The following PDE3A variants were observed in gnomAD, a reference collection of about 807,000 sequenced individuals.
PDE3A encodes the protein phosphodiesterase 3A, also known as cGMP-inhibited 3',5'-cyclic phosphodiesterase 3A.
In PDE3A, 43 loss-of-function variants were observed where a neutral mutation model predicts 98.3. The observed-to-expected ratio is 0.44, with a 90% CI of 0.34 to 0.56. PDE3A has a LOEUF of 0.56. Ranked by LOEUF, PDE3A falls within the 20% of genes least tolerant of loss-of-function variation. The pLI is 0.01. For missense variants in PDE3A, 1,427 were observed against 1,440.7 expected (o/e 0.99, Z 0.15); for synonymous variants, 663 against 567.9 (o/e 1.17, Z -2.38).
chr12:20,420,280 G>A (rs895528908), intron 1 of PDE3A, among the ~76,000 whole-genome samples: 4 of 152,134 alleles, frequency 2.6e-5, no homozygotes, highest in African/African-American at 9.7e-5. Context: ...CAACTTGGTA[G>A]GGACTCGCAG....
chr12:20,667,862 G>C lies in PDE3A; in HGVS notation c.3185-12168G>C, dbSNP rs1592165400. On this transcript the variant is annotated intron_variant, in intron 15 of 15. Coordinates refer to ENST00000359062, the MANE Select transcript of PDE3A (RefSeq NM_000921.5). ...GGGGAGGAGCCAAGATGGCCGAACA[G>C]GAACAGCTCCGGTCTACAGCTCCCA... Among the ~76,000 whole-genome samples the C allele has an allele frequency of 3.9e-5, 6 of 152,296 alleles. No individual in the cohort carries two copies. The South Asian group carries it at 1.2e-3, about 32-fold the overall frequency.
At chr12:20,505,973 C>G (rs908498238) in intron 1 of PDE3A, among the ~76,000 whole-genome samples, 2 of 151,988 alleles carry the variant, frequency 1.3e-5, no homozygotes, top group African/African-American at 2.4e-5. Context: ...GCTAACTTCA[C>G]TGGTTTCTAG....
At chr12:20,510,344 A>G (rs1354825477) in intron 1 of PDE3A, among the ~76,000 whole-genome samples, 8 of 152,140 alleles carry the variant, frequency 5.3e-5, no homozygotes, top group African/African-American at 1.7e-4. Flanking sequence ...CAACTAAAAT[A>G]ATCCACTAGA....
At chr12:20,387,452 A>G (rs977572785) in intron 1 of PDE3A, among the ~76,000 whole-genome samples, 3 of 151,896 alleles carry the variant, frequency 2.0e-5, no homozygotes, top group African/African-American at 7.2e-5. Flanking sequence ...CATTCCTTGG[A>G]TGCTCTAAAT....
chr12:20,621,469 C>T (rs1018599645), intron 5 of PDE3A, 58 bp downstream of exon 5: 11 of 907,642 alleles, frequency 1.2e-5, no homozygotes, highest in South Asian at 9.4e-5. Flanking sequence ...TAGAGTAAAC[C>T]AGACCTTAAG....
chr12:20,385,833 A>G (rs1416534335), intron 1 of PDE3A, among the ~76,000 whole-genome samples: 1 of 149,382 alleles, frequency 6.7e-6, no homozygotes, highest in Non-Finnish European at 1.5e-5. Context: ...AGATATACCT[A>G]ATGTAAATGA....
chr12:20,648,426 A>G (rs535331171), intron 12 of PDE3A, among the ~76,000 whole-genome samples: 5 of 152,026 alleles, frequency 3.3e-5, no homozygotes, highest in South Asian at 4.1e-4. Context: ...AAAAATATCT[A>G]TTAAGATAGG....
chr12:20,601,509 G>C (rs1396332936), intron 2 of PDE3A, among the ~76,000 whole-genome samples: 1 of 152,162 alleles, frequency 6.6e-6, no homozygotes, highest in African/African-American at 2.4e-5. Flanking sequence ...AAAGGCATTT[G>C]ATGTTTTGTG....
intron 1 of PDE3A, among the ~76,000 whole-genome samples, chr12:20,434,032 A>G (rs184850147): frequency 2.6e-4 from 40 of 152,266 alleles, no homozygotes; most frequent in Admixed American, 1.1e-3. Flanking sequence ...TCTTCCTCAG[A>G]CTCAGTGTTT....
At position 20,603,888 on chromosome 12, in the gene PDE3A, G is replaced by A. The variant is rs148643961; in HGVS notation, c.1012-9555G>A. 8.0e-3 allele frequency among the ~76,000 whole-genome samples: 1,223 copies of A among 152,116 alleles called. 7 individuals carry two copies. The highest frequency in any genetic ancestry group is 0.013 in the Non-Finnish European group (917 of 67,964). On this transcript the variant is annotated intron_variant, in intron 2 of 15. Transcript: ENST00000359062. ...GAGACAAGAGCTAAAGAAATAAAAT[G>A]AGCCAGGCATGGTGGCTCACGCCTG...
chr12:20,403,198 T>C (rs1944166315), intron 1 of PDE3A, among the ~76,000 whole-genome samples: 1 of 152,236 alleles, frequency 6.6e-6, no homozygotes, highest in Non-Finnish European at 1.5e-5. Context: ...GCAACAGTTC[T>C]ATAACATCTT....
intron 1 of PDE3A, among the ~76,000 whole-genome samples, chr12:20,451,295 G>A (rs1010781427): frequency 2.0e-5 from 3 of 151,686 alleles, no homozygotes; most frequent in African/African-American, 7.3e-5. Flanking sequence ...TTTTTTCGAG[G>A]TGGAGTCTTG....
At chr12:20,646,381 T>C (rs1375157549) in intron 10 of PDE3A, 109 bp from the exon 11 acceptor site, 2 of 649,726 alleles carry the variant, frequency 3.1e-6, no homozygotes, top group East Asian at 2.6e-5. Flanking sequence ...CCAACTTTCA[T>C]GGAAATAGTA....
chr12:20,447,706 T>C (rs1371452258), intron 1 of PDE3A, among the ~76,000 whole-genome samples: 1 of 152,156 alleles, frequency 6.6e-6, no homozygotes, highest in African/African-American at 2.4e-5. Flanking sequence ...TTATAATAAA[T>C]GGGTAAATAA....
chr12:20,573,167 C>T (rs1156608915), intron 2 of PDE3A, among the ~76,000 whole-genome samples: 2 of 151,780 alleles, frequency 1.3e-5, no homozygotes, highest in Non-Finnish European at 1.5e-5. Context: ...TAAAATATAC[C>T]TTGAATTAAT....
At chr12:20,445,177 T>C (rs1264665529) in intron 1 of PDE3A, among the ~76,000 whole-genome samples, 1 of 152,104 alleles carries the variant, frequency 6.6e-6, no homozygotes, top group African/African-American at 2.4e-5. Flanking sequence ...CTGCTTACAG[T>C]AGAAACAAAT....
At chr12:20,627,184 A>C (rs1009977335) in intron 5 of PDE3A, among the ~76,000 whole-genome samples, 11 of 150,126 alleles carry the variant, frequency 7.3e-5, no homozygotes, top group Non-Finnish European at 1.6e-4. Flanking sequence ...AAACTGTCCC[A>C]AAACTCACAG....
chr12:20,510,110 G>A (rs977673225), intron 1 of PDE3A, among the ~76,000 whole-genome samples: 2 of 151,682 alleles, frequency 1.3e-5, no homozygotes, highest in African/African-American at 4.8e-5. Flanking sequence ...TCTAAAATGG[G>A]CTTTATTTAG....
intron 2 of PDE3A, among the ~76,000 whole-genome samples, chr12:20,603,720 A>G (rs1456360480): frequency 6.6e-6 from 1 of 152,206 alleles, no homozygotes; most frequent in Admixed American, 6.5e-5. Context: ...TTCACCAACA[A>G]TAATGATAAT....
Sources: allele counts gnomAD v4.1 joint callset (sites outside exome capture counted in the v4.1 genomes callset), GRCh38; gene constraint gnomAD v4.1.1; transcripts MANE v1.5; gene names NCBI Gene and HGNC (gene_info 2026-07-23, HGNC 2026-07-21).